The following ZC3H11A variants were observed in gnomAD, a reference collection of about 807,000 sequenced individuals.
The protein encoded by ZC3H11A is zinc finger CCCH-type containing 11A.
A neutral mutation model predicts 90.8 loss-of-function variants in ZC3H11A; 22 were observed. The observed-to-expected ratio is 0.24, with a 90% CI of 0.17 to 0.35. ZC3H11A has a LOEUF of 0.35. ZC3H11A is among the 10% of genes least tolerant of loss of function. The pLI, the probability that ZC3H11A is intolerant of heterozygous loss-of-function variation, is 1.00. For synonymous variants in ZC3H11A, 294 were observed against 339.8 expected (o/e 0.87, Z 1.48); for missense variants, 701 against 964.9 (o/e 0.73, Z 3.62).
intron 12 of ZC3H11A, among the ~76,000 whole-genome samples, chr1:203,846,687 A>T (rs1024362427): frequency 1.3e-5 from 2 of 152,194 alleles, no homozygotes; most frequent in African/African-American, 4.8e-5. Context: ...ATTTATTGCT[A>T]TTTTTGTTAA....
chr1:203,844,006 C>T (rs540026767), intron 12 of ZC3H11A, among the ~76,000 whole-genome samples: 9 of 149,882 alleles, frequency 6.0e-5, no homozygotes, highest in East Asian at 2.0e-4. Flanking sequence ...TACAGGCATG[C>T]GCTACCACGC....
At chr1:203,798,698 G>T in intron 1 of ZC3H11A, 2 of 1,536,102 alleles carry the variant, frequency 1.3e-6, no homozygotes, top group Non-Finnish European at 1.7e-6. Context: ...GCACTCTGAT[G>T]CGTGCGCAGG....
chr1:203,833,618 G>GTTTTTTTTTTTTTTTT (rs553171669), intron 9 of ZC3H11A, among the ~76,000 whole-genome samples, 173 bp from the exon 10 acceptor site: 4 of 124,812 alleles, frequency 3.2e-5, no homozygotes, highest in Non-Finnish European at 5.0e-5. Flanking sequence ...ATAGGTTTGG[G>GTTTTTTTTTTTTTTTT]TTTTTTTTTT....
chr1:203,837,142 A>G (rs1175295007), intron 10 of ZC3H11A, among the ~76,000 whole-genome samples: 2 of 151,864 alleles, frequency 1.3e-5, no homozygotes, highest in South Asian at 2.1e-4. Context: ...TAAAAATACA[A>G]AAATTAACCA....
chr1:203,805,924 A>G (rs1672171578), intron 2 of ZC3H11A: 2 of 664,146 alleles, frequency 3.0e-6, no homozygotes, highest in South Asian at 2.7e-5. Context: ...GTCTACCTTC[A>G]TTTCCTTTGC....
At chr1:203,821,637 T>C (rs1297113129) in intron 4 of ZC3H11A, among the ~76,000 whole-genome samples, 1 of 152,186 alleles carries the variant, frequency 6.6e-6, no homozygotes, top group East Asian at 1.9e-4. Flanking sequence ...TAATGGTATA[T>C]AGAAGTTAAG....
chr1:203,827,616 A>G (rs1572157733), intron 4 of ZC3H11A, among the ~76,000 whole-genome samples: 1 of 151,316 alleles, frequency 6.6e-6, no homozygotes, highest in African/African-American at 2.4e-5. Flanking sequence ...CGGGAGGCGG[A>G]GCTTGCAGTG....
chr1:203,825,564 A>G (rs1240938008), intron 4 of ZC3H11A, among the ~76,000 whole-genome samples: 3 of 151,002 alleles, frequency 2.0e-5, no homozygotes, highest in African/African-American at 7.3e-5. Context: ...CCTCCCGCAT[A>G]GCTGGGACTA....
rs1379055784 is a variant in ZC3H11A, at chr1:203,801,858, T to G, written c.-1304T>G. 6.6e-6 allele frequency: 1 copy of G among 151,556 alleles called. No individual in the cohort carries two copies. Among genetic ancestry groups the G allele is most frequent in the East Asian group, 1.9e-4 (1 of 5,192 alleles). 9.4% of individuals were successfully genotyped at this position (151,556 alleles called of 1,614,324 possible). A position where few individuals can be genotyped will look rare whatever the true frequency, so the allele number is the denominator to read the frequency against. ...AATTCTTAAATGGTAAATATGCCAT[T>G]GTGAAATGAAATCTCAACTCCAAAA... On this transcript the variant is annotated 5_prime_UTR_variant, in exon 2 of 18. In the 5' UTR this introduces an upstream ATG that the reference lacks. Transcript: ENST00000367210.
chr1:203,841,200 G>A (rs184177894), intron 12 of ZC3H11A, among the ~76,000 whole-genome samples: 7 of 148,742 alleles, frequency 4.7e-5, no homozygotes, highest in South Asian at 2.1e-4. Flanking sequence ...GGTGTTTCTC[G>A]GAGAGGGGGA....
At chr1:203,798,187 C>A in intron 1 of ZC3H11A, 1 of 1,536,126 alleles carries the variant, frequency 6.5e-7, no homozygotes, top group Non-Finnish European at 8.7e-7. Flanking sequence ...CCTACTGATC[C>A]ATTAGATGAT....
intron 1 of ZC3H11A, chr1:203,798,950 A>T: frequency 6.5e-7 from 1 of 1,536,122 alleles, no homozygotes; most frequent in Non-Finnish European, 8.7e-7. Flanking sequence ...AGAATGTTCA[A>T]AGCCAAAAGA....
intron 3 of ZC3H11A, 46 bp from the exon 4 acceptor site, chr1:203,818,524 G>T (rs1285882469): frequency 1.2e-6 from 2 of 1,611,794 alleles, no homozygotes; most frequent in African/African-American, 1.3e-5. Flanking sequence ...TTTTACCTAG[G>T]ATGTATTTCA....
chr1:203,812,188 G>A (rs866210863), intron 2 of ZC3H11A, among the ~76,000 whole-genome samples: 1 of 152,116 alleles, frequency 6.6e-6, no homozygotes, highest in African/African-American at 2.4e-5. Flanking sequence ...AATGTGTGTC[G>A]TGGGGGTTTG....
intron 10 of ZC3H11A, chr1:203,835,477 T>C (rs1479828347): frequency 1.3e-5 from 2 of 155,780 alleles, no homozygotes; most frequent in Non-Finnish European, 2.8e-5. Context: ...TAGCTGTAAA[T>C]CAAGAAACAA....
rs188516679 is a variant in ZC3H11A at position 203,800,280 on chromosome 1, A to G, written c.-1587-1295A>G. ...TAGTTGGCAATCTGAATGTATCTTT[A>G]CTAAAAATAGCCACTTTCATCCAAA... On this transcript the variant is annotated intron_variant, in intron 1 of 17. Transcript: ENST00000367210. 22 of 997,608 alleles carry G rather than the reference A, an allele frequency of 2.2e-5. No homozygotes were observed. In the Admixed American group the frequency reaches 2.4e-4, roughly 11 times the overall value. 61.8% of individuals were successfully genotyped at this position (997,608 alleles called of 1,614,324 possible).
rs1370536191 is a variant in ZC3H11A, at chr1:203,852,642, A to G, written c.*243A>G. On this transcript the variant is annotated 3_prime_UTR_variant, in exon 18 of 18. Coordinates refer to ENST00000367210, the MANE Select transcript of ZC3H11A (RefSeq NM_001376342.1). ...CATCTTTTGAGAAAAAAGTTCTGTC[A>G]TACCCTTCTCTCCACAAAAAAGAGA... 9 of 514,766 alleles carry G rather than the reference A, an allele frequency of 1.7e-5. No homozygotes were observed. Among genetic ancestry groups the G allele is most frequent in the Non-Finnish European group, 3.1e-5 (9 of 289,552 alleles). 31.9% of individuals were successfully genotyped at this position (514,766 alleles called of 1,614,324 possible). A position where few individuals can be genotyped will look rare whatever the true frequency, so the allele number is the denominator to read the frequency against.
chr1:203,833,686 T>C lies in ZC3H11A; in HGVS notation c.812-105T>C. The stretch of plus-strand genomic sequence containing the variant: ...GAGACCTGATTTTCAAGAGACTTTC[T>C]GGGTGGATTTACACTAATATCAGAA... On this transcript the variant is annotated intron_variant, in intron 9 of 17. Transcript: ENST00000367210. 3.9e-6 allele frequency: 3 copies of C among 768,808 alleles called. No homozygotes were observed. In the South Asian group the frequency reaches 1.0e-4, roughly 26 times the overall value. The allele number at this position is 768,808 out of a possible 1,614,324, so 47.6% of individuals were successfully genotyped here.
intron 14 of ZC3H11A, among the ~76,000 whole-genome samples, chr1:203,849,319 C>T (rs1011412732): frequency 2.0e-5 from 3 of 152,236 alleles, no homozygotes; most frequent in African/African-American, 7.2e-5. Context: ...AATAATTCTT[C>T]AAGAAGTTTG....
Sources: gnomAD v4.1 joint callset for allele counts (sites outside exome capture counted in the v4.1 genomes callset) on GRCh38, gnomAD v4.1.1 for gene constraint, MANE v1.5 for transcripts, NCBI Gene and HGNC (gene_info 2026-07-23, HGNC 2026-07-21) for gene names.